Variants in RPGRIP1 observed in about 807,000 individuals in gnomAD.
RPGRIP1 encodes RPGR interacting protein 1, also known as X-linked retinitis pigmentosa GTPase regulator-interacting protein 1.
In RPGRIP1, 128 loss-of-function variants were observed where a neutral mutation model predicts 157.9. The observed-to-expected ratio is 0.81, with a 90% CI of 0.70 to 0.94. RPGRIP1 has a LOEUF of 0.94. Among genes scored for constraint, RPGRIP1 ranks in the 40% least tolerant of loss-of-function variants. The pLI is 0.00. For missense variants in RPGRIP1, 1,486 were observed against 1,545.8 expected, an observed-to-expected ratio of 0.96 and a Z score of 0.65; for synonymous variants, 554 against 571.6, an observed-to-expected ratio of 0.97 and a Z score of 0.44.
chr14:21,285,004 C>T (rs987293699), intron 1 of RPGRIP1, among the ~76,000 whole-genome samples: 3 of 152,148 alleles, frequency 2.0e-5, no homozygotes, highest in Middle Eastern at 3.4e-3. Context: ...TTGTTGAGTA[C>T]CTGCTATGTG....
intron 7 of RPGRIP1, among the ~76,000 whole-genome samples, chr14:21,309,631 G>A (rs1052246870): frequency 1.4e-4 from 22 of 152,230 alleles, no homozygotes; most frequent in African/African-American, 5.3e-4. Context: ...TGAGAGCAGA[G>A]GTGAGAAACA....
intron 6 of RPGRIP1, among the ~76,000 whole-genome samples, chr14:21,305,716 C>G (rs1225136440): frequency 6.6e-6 from 1 of 152,082 alleles, no homozygotes; most frequent in Admixed American, 6.6e-5. Flanking sequence ...CCAAAATTAG[C>G]CGGGTGTGAT....
intron 2 of RPGRIP1, 47 bp from the exon 3 acceptor site, chr14:21,294,630 A>T (rs1175098770): frequency 3.1e-6 from 5 of 1,596,468 alleles, no homozygotes; most frequent in Non-Finnish European, 4.3e-6. Context: ...AGGGTTCAAA[A>T]AATAGGTGTA....
rs1008160364 is a variant in RPGRIP1 at position 21,324,593 on chromosome 14, A to T, written c.1763-25A>T. 4 of 1,586,876 alleles carry T rather than the reference A, an allele frequency of 2.5e-6. No individual in the cohort carries two copies. In the African/African-American group the frequency reaches 5.4e-5, roughly 21 times the overall value. ...GAAAGAGCTCCCTACCCTTTAACGG[A>T]TAGGCAGCTTTCTTTCCCCTCTAGA... On this transcript the variant is annotated intron_variant, in intron 14 of 24. Transcript: ENST00000400017.
At chr14:21,317,300 C>T (rs548738208) in intron 10 of RPGRIP1, among the ~76,000 whole-genome samples, 60 of 152,222 alleles carry the variant, frequency 3.9e-4, no homozygotes, top group South Asian at 1.5e-3. Flanking sequence ...CTAAACTCAC[C>T]GTTGGTGAAG....
chr14:21,324,508 C>T lies in RPGRIP1; in HGVS notation c.1763-110C>T, dbSNP rs1882835557. 7 of 912,928 alleles carry T rather than the reference C, an allele frequency of 7.7e-6. 1 individual carries two copies. Among genetic ancestry groups the T allele is most frequent in the Non-Finnish European group, 1.1e-5 (6 of 571,092 alleles). 56.6% of individuals were successfully genotyped at this position (912,928 alleles called of 1,614,324 possible). A position where few individuals can be genotyped will look rare whatever the true frequency, so the allele number is the denominator to read the frequency against. On this transcript the variant is annotated intron_variant, in intron 14 of 24. Coordinates refer to ENST00000400017, the MANE Select transcript of RPGRIP1 (RefSeq NM_020366.4). The stretch of plus-strand genomic sequence containing the variant: ...GAATCACGTGGTTTCTTGAAATAAT[C>T]ACAACTTGGACTTCCACCATGTGTT...
chr14:21,341,223 G>A (rs1187311162), intron 21 of RPGRIP1, among the ~76,000 whole-genome samples: 3 of 152,064 alleles, frequency 2.0e-5, no homozygotes, highest in African/African-American at 7.2e-5. Context: ...TAGAGATGCG[G>A]TTTCACCATG....
At chr14:21,318,161 C>G (rs1191223494) in intron 11 of RPGRIP1, 1 of 508,396 alleles carries the variant, frequency 2.0e-6, no homozygotes, top group Non-Finnish European at 3.8e-6. Context: ...GGCTCGAGTG[C>G]AATGGCACGA....
At chr14:21,308,734 G>GT (rs1881421312) in intron 7 of RPGRIP1, among the ~76,000 whole-genome samples, 1 of 152,188 alleles carries the variant, frequency 6.6e-6, no homozygotes, top group African/African-American at 2.4e-5. Flanking sequence ...GAGGGAGAAG[G>GT]ACTCCAAAGC....
Position 21,287,994 on chromosome 14 carries a change from C to A in RPGRIP1, c.18C>A (p.Asp6Glu), listed in dbSNP as rs1880359496. Residue 6 changes from aspartate (D) to glutamate (E), a missense_variant, in exon 2 of 25, where the codon GAC becomes GAA. Transcript: ENST00000400017. MSHLV[D>E]PTSGDLPVRD... The stretch of plus-strand genomic sequence containing the variant: ...CAGAGATCATGTCACATCTGGTGGA[C>A]CCTACATCAGGAGACTTGCCAGTTA... The A allele has an allele frequency of 6.2e-7, 1 of 1,612,672 alleles. No individual in the cohort carries two copies. Among genetic ancestry groups the A allele is most frequent in the Non-Finnish European group, 8.5e-7 (1 of 1,178,846 alleles).
chr14:21,292,869 G>A lies in RPGRIP1; in HGVS notation c.86-1808G>A, dbSNP rs760352008. On this transcript the variant is annotated intron_variant, in intron 2 of 24. Transcript: ENST00000400017. ...TGTGTCAAAAAAATAATAATTAGCCGGGCGCAGTGGCTCACGCCTGTAATC... is the reference window on the plus strand; with the variant it reads ...TGTGTCAAAAAAATAATAATTAGCCAGGCGCAGTGGCTCACGCCTGTAATC... Among the ~76,000 whole-genome samples the A allele has an allele frequency of 6.0e-5, 9 of 149,454 alleles. No homozygotes were observed. The South Asian group carries it at 6.4e-4, about 11-fold the overall frequency.
chr14:21,322,324 A>C (rs1882591650), intron 14 of RPGRIP1, among the ~76,000 whole-genome samples: 1 of 151,806 alleles, frequency 6.6e-6, no homozygotes, highest in Admixed American at 6.6e-5. Context: ...TGCCTGGCTA[A>C]TTTTTTGTAT....
intron 21 of RPGRIP1, among the ~76,000 whole-genome samples, chr14:21,335,897 A>AGT (rs1376946453): frequency 8.5e-5 from 13 of 152,368 alleles, no homozygotes; most frequent in African/African-American, 3.1e-4. Flanking sequence ...CATGAGGTAG[A>AGT]AAACAATTAC....
intron 15 of RPGRIP1, 25 bp downstream of exon 15, chr14:21,325,095 C>T: frequency 6.3e-7 from 1 of 1,578,734 alleles, no homozygotes; most frequent in East Asian, 2.2e-5. Flanking sequence ...CTTCCTGCGG[C>T]TCCTAAGCAC....
intron 24 of RPGRIP1, among the ~76,000 whole-genome samples, chr14:21,349,318 C>T (rs1452548460): frequency 6.6e-6 from 1 of 151,652 alleles, no homozygotes; most frequent in African/African-American, 2.4e-5. Context: ...AATCCACCCT[C>T]TTTTGCCTCC....
chr14:21,302,658 T>C lies in RPGRIP1; in HGVS notation c.587+74T>C, dbSNP rs550069974. 472 of 941,114 alleles carry C rather than the reference T, an allele frequency of 5.0e-4. 4 individuals are homozygous for C. In the Middle Eastern group the frequency reaches 0.01, roughly 20 times the overall value. 58.3% of individuals were successfully genotyped at this position (941,114 alleles called of 1,614,324 possible). A position where few individuals can be genotyped will look rare whatever the true frequency, so the allele number is the denominator to read the frequency against. ...AGAAAGACATCATTTAGGGAACAAA[T>C]GAATGTTGGTGATTTGAGTCTTTTC... is the stretch of plus-strand genomic sequence containing the variant. On this transcript the variant is annotated intron_variant, in intron 5 of 24. Coordinates refer to ENST00000400017, the MANE Select transcript of RPGRIP1 (RefSeq NM_020366.4).
At chr14:21,315,035 T>C (rs550568203) in intron 10 of RPGRIP1, among the ~76,000 whole-genome samples, 6 of 147,662 alleles carry the variant, frequency 4.1e-5, no homozygotes, top group South Asian at 2.2e-4. Flanking sequence ...AAAAAAAAAT[T>C]TGGCTGGGCA....
chr14:21,322,104 C>A, intron 14 of RPGRIP1, 100 bp downstream of exon 14: 1 of 980,458 alleles, frequency 1.0e-6, no homozygotes, highest in Non-Finnish European at 1.5e-6. Flanking sequence ...CTCTCATACC[C>A]TTAGCATATG....
intron 14 of RPGRIP1, among the ~76,000 whole-genome samples, chr14:21,323,673 T>C (rs1882744388): frequency 6.6e-6 from 1 of 152,142 alleles, no homozygotes; most frequent in Admixed American, 6.5e-5. Context: ...TATTGATTTA[T>C]AGAAATTCTT....
Sources: gnomAD v4.1 joint callset for allele counts (sites outside exome capture counted in the v4.1 genomes callset) on GRCh38, gnomAD v4.1.1 for gene constraint, MANE v1.5 for transcripts, NCBI Gene and HGNC (gene_info 2026-07-23, HGNC 2026-07-21) for gene names.